RNFT2: variants seen among roughly 807,000 people sequenced by gnomAD.
RNFT2 encodes E3 ubiquitin-protein ligase RNFT2.
In RNFT2, 36 loss-of-function variants were observed where a neutral mutation model predicts 53.0. The ratio of observed to expected loss-of-function variants is 0.68; its 90% CI spans 0.52 to 0.90. RNFT2 has a LOEUF of 0.90. Among genes scored for constraint, RNFT2 ranks in the 40% least tolerant of loss-of-function variants. The probability of loss-of-function intolerance (pLI) is 0.00; values close to 1 mark genes in which losing one functional copy is unlikely to be tolerated. For synonymous variants in RNFT2, 260 were observed against 253.2 expected, an observed-to-expected ratio of 1.03 and a Z score of -0.26; for missense variants, 514 against 585.6, an observed-to-expected ratio of 0.88 and a Z score of 1.26.
intron 3 of RNFT2, among the ~76,000 whole-genome samples, chr12:116,743,407 T>C (rs1214537718): frequency 6.6e-6 from 1 of 151,614 alleles, no homozygotes; most frequent in Non-Finnish European, 1.5e-5. Context: ...GTTGGGACCA[T>C]AGGCACGCAC....
chr12:116,787,576 C>G (rs950897843), intron 7 of RNFT2, among the ~76,000 whole-genome samples: 1 of 151,982 alleles, frequency 6.6e-6, no homozygotes, highest in African/African-American at 2.4e-5. Flanking sequence ...ATTAGCTGGG[C>G]ATGGTGGAAC....
At chr12:116,816,092 AC>A (rs1283531796) in intron 7 of RNFT2, among the ~76,000 whole-genome samples, 2 of 152,122 alleles carry the variant, frequency 1.3e-5, no homozygotes, top group African/African-American at 4.8e-5. Flanking sequence ...TCATCCATCC[AC>A]CTGGGACCAG....
chr12:116,820,391 T>C (rs1393394189), intron 7 of RNFT2, among the ~76,000 whole-genome samples: 1 of 152,224 alleles, frequency 6.6e-6, no homozygotes, highest in Non-Finnish European at 1.5e-5. Flanking sequence ...TATCCCTGTG[T>C]ATTTTAGACT....
At chr12:116,772,215 C>G (rs1474177025) in intron 6 of RNFT2, among the ~76,000 whole-genome samples, 2 of 152,208 alleles carry the variant, frequency 1.3e-5, no homozygotes, top group African/African-American at 2.4e-5. Flanking sequence ...CCTCAGCCTC[C>G]CAAAGTGCTG....
At chr12:116,834,850 CTTTTT>C (rs140178133) in intron 8 of RNFT2, among the ~76,000 whole-genome samples, 1 of 136,678 alleles carries the variant, frequency 7.3e-6, no homozygotes. Flanking sequence ...ATTATTACTC[CTTTTT>C]TTTTTTTTTT....
At chr12:116,776,049 CA>C (rs995775011) in intron 6 of RNFT2, among the ~76,000 whole-genome samples, 1 of 151,180 alleles carries the variant, frequency 6.6e-6, no homozygotes, top group South Asian at 2.1e-4. Context: ...AAAAAAAAAA[CA>C]AAAAAACTCG....
chr12:116,787,718 GAA>G (rs55938203), intron 7 of RNFT2, among the ~76,000 whole-genome samples: 9,798 of 140,996 alleles, frequency 0.069, 505 homozygotes, highest in East Asian at 0.2. Context: ...GTCTCTAAAA[GAA>G]AAAAAAAAAA....
At chr12:116,794,028 G>A (rs2137138886) in intron 7 of RNFT2, among the ~76,000 whole-genome samples, 1 of 152,294 alleles carries the variant, frequency 6.6e-6, no homozygotes, top group Non-Finnish European at 1.5e-5. Flanking sequence ...CACTTTGAGA[G>A]TGTGAGGTGG....
rs58472915 is a variant in RNFT2 at position 116,764,764 on chromosome 12, C to T, written c.628-2050C>T. Among the ~76,000 whole-genome samples the T allele has an allele frequency of 8.8e-3, 1,332 of 152,188 alleles. 20 individuals carry two copies. Among genetic ancestry groups the T allele is most frequent in the African/African-American group, 0.031 (1,276 of 41,512 alleles). On this transcript the variant is annotated intron_variant, in intron 5 of 10. Coordinates refer to ENST00000257575, the MANE Select transcript of RNFT2 (RefSeq NM_001382266.1). The stretch of plus-strand genomic sequence containing the variant: ...AAAATTAGCTGGGCATGGTGGTGGG[C>T]GCCTGTAATCCCAGCCACTTGGGAG...
Position 116,853,019 on chromosome 12 carries a change from A to C in RNFT2, c.*3571A>C. 1 of 469,210 alleles carries C rather than the reference A, an allele frequency of 2.1e-6. No homozygotes were observed. Among genetic ancestry groups the C allele is most frequent in the East Asian group, 3.2e-5 (1 of 31,044 alleles). The allele number at this position is 469,210 out of a possible 1,614,324, so 29.1% of individuals were successfully genotyped here. On this transcript the variant is annotated 3_prime_UTR_variant, in exon 11 of 11. Coordinates refer to ENST00000257575, the MANE Select transcript of RNFT2 (RefSeq NM_001382266.1). Reference sequence around the variant, plus strand: ...CACACAGGGGCAGATGGGATGGTTTAGTTTAGGATTTTATTAGTGCATGCC... The same window carrying C: ...CACACAGGGGCAGATGGGATGGTTTCGTTTAGGATTTTATTAGTGCATGCC...
At chr12:116,741,208 C>A in intron 3 of RNFT2, 114 bp downstream of exon 3, 1 of 775,288 alleles carries the variant, frequency 1.3e-6, no homozygotes, top group Non-Finnish European at 2.2e-6. Context: ...TAGAGTCACA[C>A]TGATGGCCTC....
chr12:116,785,494 G>C (rs1873897028), intron 7 of RNFT2, among the ~76,000 whole-genome samples: 1 of 152,002 alleles, frequency 6.6e-6, no homozygotes, highest in Non-Finnish European at 1.5e-5. Context: ...GTCTCACTTT[G>C]TTGCCCAGGT....
At chr12:116,823,816 G>T (rs993667431) in intron 7 of RNFT2, among the ~76,000 whole-genome samples, 4 of 152,128 alleles carry the variant, frequency 2.6e-5, no homozygotes, top group Non-Finnish European at 4.4e-5. Flanking sequence ...CTTACCATGC[G>T]CCAGGCACTG....
intron 7 of RNFT2, among the ~76,000 whole-genome samples, chr12:116,828,011 A>G (rs74320096): frequency 0.027 from 4,176 of 152,284 alleles, 156 homozygotes; most frequent in East Asian, 0.14. Context: ...AGAGTCAGCC[A>G]GATGCCAGCA....
Position 116,851,969 on chromosome 12 carries a change from A to G in RNFT2, c.*2521A>G, listed in dbSNP as rs1441581854. 3.3e-6 allele frequency: 5 copies of G among 1,500,876 alleles called. No homozygotes were observed. The highest frequency in any genetic ancestry group is 1.4e-5 in the African/African-American group (1 of 71,764). 93.0% of individuals were successfully genotyped at this position (1,500,876 alleles called of 1,614,324 possible). A position where few individuals can be genotyped will look rare whatever the true frequency, so the allele number is the denominator to read the frequency against. ...GCCTTCAGAGCAAACAGGACAACCT[A>G]TGTTATGGATGTTTCCACCAACCAG... On this transcript the variant is annotated 3_prime_UTR_variant, in exon 11 of 11. Transcript: ENST00000257575.
At chr12:116,743,247 G>GAAAAAAAAAAAAAAAAAAAAA (rs1566066807) in intron 3 of RNFT2, among the ~76,000 whole-genome samples, 1 of 61,580 alleles carries the variant, frequency 1.6e-5, no homozygotes, top group African/African-American at 5.4e-5. Context: ...AAAAAAAACC[G>GAAAAAAAAAAAAAAAAAAAAA]GTTAAAAAAC....
intron 7 of RNFT2, among the ~76,000 whole-genome samples, chr12:116,806,397 T>TAGATAGATAG (rs61274161): frequency 0.056 from 7,375 of 131,524 alleles, 265 homozygotes; most frequent in Non-Finnish European, 0.074. Flanking sequence ...TATATATATA[T>TAGATAGATAG]ATAGATAGAT....
At chr12:116,768,290 G>A (rs755340882) in intron 6 of RNFT2, among the ~76,000 whole-genome samples, 1 of 151,758 alleles carries the variant, frequency 6.6e-6, no homozygotes, top group Non-Finnish European at 1.5e-5. Flanking sequence ...TCATAGAGAT[G>A]GGGTTTCACC....
intron 5 of RNFT2, among the ~76,000 whole-genome samples, chr12:116,763,223 G>A (rs1410587043): frequency 6.6e-6 from 1 of 150,800 alleles, no homozygotes; most frequent in African/African-American, 2.4e-5. Flanking sequence ...GATGTTAATA[G>A]GCAATTCTCA....
Sources: allele counts gnomAD v4.1 joint callset (sites outside exome capture counted in the v4.1 genomes callset), GRCh38; gene constraint gnomAD v4.1.1; transcripts MANE v1.5; gene names NCBI Gene and HGNC (gene_info 2026-07-23, HGNC 2026-07-21).